UBE3D: variants seen among roughly 807,000 people sequenced by gnomAD.
UBE3D encodes E3 ubiquitin-protein ligase E3D.
Under a neutral mutation model 49.6 loss-of-function variants are expected in UBE3D, and 48 were observed. The observed-to-expected ratio is 0.97, with a 90% CI of 0.77 to 1.23. The LOEUF (loss-of-function observed/expected upper bound fraction) is 1.23. Ranked by LOEUF, UBE3D falls within the 50% of genes most tolerant of loss-of-function variation. The pLI is 0.00. For missense variants in UBE3D, 452 were observed against 468.4 expected (o/e 0.96, Z 0.32); for synonymous variants, 189 against 174.2 (o/e 1.08, Z -0.67).
At chr6:82,929,341 T>C (rs972949521) in intron 9 of UBE3D, among the ~76,000 whole-genome samples, 14 of 152,180 alleles carry the variant, frequency 9.2e-5, no homozygotes, top group Non-Finnish European at 1.8e-4. Flanking sequence ...TAATTGTGTT[T>C]TGAAAAACTG....
intron 9 of UBE3D, among the ~76,000 whole-genome samples, chr6:82,902,912 C>A (rs1455165410): frequency 6.6e-6 from 1 of 152,036 alleles, no homozygotes; most frequent in African/African-American, 2.4e-5. Flanking sequence ...TTAATTCTAC[C>A]CAAATTATAA....
Position 82,921,624 on chromosome 6 carries a change from G to C in UBE3D, c.1150-28582C>G, listed in dbSNP as rs149794169. Among the ~76,000 whole-genome samples, 641 of 152,316 alleles carry C rather than the reference G, an allele frequency of 4.2e-3. 4 individuals carry two copies. Among genetic ancestry groups the C allele is most frequent in the African/African-American group, 0.015 (609 of 41,564 alleles). On this transcript the variant is annotated intron_variant, in intron 9 of 9. Coordinates refer to ENST00000369747, the MANE Select transcript of UBE3D (RefSeq NM_198920.3). ...CAGCCTCAGCTCAGAATGTGGCATG[G>C]AGGGTGAGGAGAAAGGCACTTGTGA...
intron 9 of UBE3D, among the ~76,000 whole-genome samples, chr6:82,935,409 A>G (rs1774493868): frequency 6.6e-6 from 1 of 152,148 alleles, no homozygotes; most frequent in African/African-American, 2.4e-5. Flanking sequence ...AAAATTCAAC[A>G]TAAGATTTGG....
At chr6:82,920,694 C>G (rs1773266402) in intron 9 of UBE3D, among the ~76,000 whole-genome samples, 1 of 152,150 alleles carries the variant, frequency 6.6e-6, no homozygotes, top group Non-Finnish European at 1.5e-5. Context: ...TAAGAATCAA[C>G]CCAAAATGTT....
intron 3 of UBE3D, chr6:83,049,906 A>G: frequency 2.5e-6 from 1 of 406,876 alleles, no homozygotes; most frequent in South Asian, 1.8e-5. Context: ...TTCACAACAA[A>G]ATAAATTTTA....
chr6:83,032,082 G>A (rs1781917734), intron 5 of UBE3D, among the ~76,000 whole-genome samples: 1 of 152,242 alleles, frequency 6.6e-6, no homozygotes, highest in African/African-American at 2.4e-5. Flanking sequence ...GAGCTCCCAT[G>A]TAGAGTCCCC....
At chr6:83,008,025 A>T (rs555605847) in intron 8 of UBE3D, among the ~76,000 whole-genome samples, 1 of 152,336 alleles carries the variant, frequency 6.6e-6, no homozygotes, top group East Asian at 1.9e-4. Context: ...CCTAAATACA[A>T]TTTCAAGAAA....
rs145373623 is a variant in UBE3D at position 82,925,706 on chromosome 6, T to A, written c.1149+31606A>T. 3.3e-3 allele frequency among the ~76,000 whole-genome samples: 503 copies of A among 152,236 alleles called. 4 individuals are homozygous for A. Among genetic ancestry groups the A allele is most frequent in the Admixed American group, 9.2e-3 (140 of 15,278 alleles). ...CAATATCCTTCACTAAAATCCTGCT[T>A]CTGCTCAAACTAGCCAGAGAGGATT... is the stretch of plus-strand genomic sequence containing the variant. On this transcript the variant is annotated intron_variant, in intron 9 of 9. Transcript: ENST00000369747.
At chr6:82,958,273 AG>A (rs1776310176) in intron 8 of UBE3D, among the ~76,000 whole-genome samples, 1 of 152,174 alleles carries the variant, frequency 6.6e-6, no homozygotes, top group Admixed American at 6.5e-5. Context: ...TAAAATAATA[AG>A]AATAGCATGC....
At chr6:83,048,268 T>C (rs976045161) in intron 3 of UBE3D, among the ~76,000 whole-genome samples, 25 of 152,008 alleles carry the variant, frequency 1.6e-4, no homozygotes, top group Non-Finnish European at 2.8e-4. Context: ...GGTAGGGACT[T>C]GGTACCTCAG....
intron 9 of UBE3D, among the ~76,000 whole-genome samples, chr6:82,933,357 C>T (rs999386025): frequency 1.3e-5 from 2 of 152,206 alleles, no homozygotes; most frequent in Admixed American, 1.3e-4. Flanking sequence ...GCCAGCTTTA[C>T]TGTCATGAAA....
intron 9 of UBE3D, among the ~76,000 whole-genome samples, chr6:82,936,430 G>T (rs535872392): frequency 2.4e-4 from 36 of 151,598 alleles, no homozygotes; most frequent in African/African-American, 8.0e-4. Flanking sequence ...TAAATCAGAA[G>T]AAAATAATAA....
intron 9 of UBE3D, among the ~76,000 whole-genome samples, chr6:82,936,043 A>T (rs535106176): frequency 1.3e-5 from 2 of 152,118 alleles, no homozygotes; most frequent in African/African-American, 4.8e-5. Flanking sequence ...GTAATGGGGA[A>T]ATGTGGGATG....
intron 4 of UBE3D, among the ~76,000 whole-genome samples, chr6:83,043,841 A>C (rs1782840194): frequency 6.6e-6 from 1 of 152,172 alleles, no homozygotes; most frequent in Non-Finnish European, 1.5e-5. Context: ...TGTTCTCTGC[A>C]GTGAGAGAAA....
At chr6:82,938,209 TAA>T (rs1465965117) in intron 9 of UBE3D, 1 of 152,188 alleles carries the variant, frequency 6.6e-6, no homozygotes, top group Admixed American at 6.5e-5. Flanking sequence ...CTTACATATG[TAA>T]TTTAACCCAA....
intron 9 of UBE3D, among the ~76,000 whole-genome samples, chr6:82,906,754 A>G (rs915501369): frequency 1.3e-5 from 2 of 152,206 alleles, no homozygotes; most frequent in African/African-American, 4.8e-5. Flanking sequence ...AAGTGCAGCA[A>G]GAAAACACCC....
At chr6:82,930,440 C>T (rs905403244) in intron 9 of UBE3D, among the ~76,000 whole-genome samples, 1 of 152,118 alleles carries the variant, frequency 6.6e-6, no homozygotes, top group Admixed American at 6.6e-5. Flanking sequence ...AATAGTTTGG[C>T]AGGCTCAGAA....
In UBE3D at chr6:82,977,287, T is replaced by C. The variant is rs563929643; in HGVS notation, c.1011-19837A>G. On this transcript the variant is annotated intron_variant, in intron 8 of 9. Coordinates refer to ENST00000369747, the MANE Select transcript of UBE3D (RefSeq NM_198920.3). ...TCAGATATGCCTATTTGTCTAATTT[T>C]TCTGTATTACTCTATAGCATACAAA... 3.9e-5 allele frequency among the ~76,000 whole-genome samples: 6 copies of C among 152,244 alleles called. No homozygotes were observed. In the South Asian group the frequency reaches 1.2e-3, roughly 32 times the overall value.
At chr6:82,946,621 A>T (rs1775421365) in intron 9 of UBE3D, among the ~76,000 whole-genome samples, 1 of 152,114 alleles carries the variant, frequency 6.6e-6, no homozygotes, top group South Asian at 2.1e-4. Context: ...CTATTATAAC[A>T]CTGTAACTGT....
Sources: allele counts gnomAD v4.1 joint callset (sites outside exome capture counted in the v4.1 genomes callset), GRCh38; gene constraint gnomAD v4.1.1; transcripts MANE v1.5; gene names NCBI Gene and HGNC (gene_info 2026-07-23, HGNC 2026-07-21).